The following PRKG1 variants were observed in gnomAD, a reference collection of about 807,000 sequenced individuals.
PRKG1 encodes the protein cGMP-dependent protein kinase 1.
A neutral mutation model predicts 88.1 loss-of-function variants in PRKG1; 35 were observed. That is an observed-to-expected ratio of 0.40 (90% CI 0.30 to 0.53). The LOEUF is 0.53. Among genes scored for constraint, PRKG1 ranks in the 20% least tolerant of loss-of-function variants. The pLI is 0.59. For missense variants in PRKG1, 540 were observed against 839.8 expected (o/e 0.64, Z 4.41); for synonymous variants, 303 against 292.5 (o/e 1.04, Z -0.37).
intron 8 of PRKG1, among the ~76,000 whole-genome samples, chr10:52,158,086 T>C (rs1838174957): frequency 6.6e-6 from 1 of 151,802 alleles, no homozygotes; most frequent in East Asian, 1.9e-4. Flanking sequence ...TGTCTTTAAT[T>C]TCTTCCGAAA....
chr10:51,939,011 G>A (rs903508626), intron 5 of PRKG1, among the ~76,000 whole-genome samples: 1 of 151,976 alleles, frequency 6.6e-6, no homozygotes, highest in African/African-American at 2.4e-5. Context: ...TAGTGTATGA[G>A]TATGTACACT....
chr10:51,073,895 A>G (rs1205956670), upstream of PRKG1, among the ~76,000 whole-genome samples: 1 of 152,116 alleles, frequency 6.6e-6, no homozygotes, highest in African/African-American at 2.4e-5. Flanking sequence ...CAGCTCGGCC[A>G]CACCGCTCGG....
intron 4 of PRKG1, among the ~76,000 whole-genome samples, chr10:51,834,706 GAA>G (rs140352569): frequency 0.15 from 18,641 of 123,764 alleles, 1,585 homozygotes; most frequent in African/African-American, 0.35. Flanking sequence ...GAGAGAGAGA[GAA>G]AGAGAAAGAG....
chr10:52,139,160 T>C (rs578106139), intron 8 of PRKG1, among the ~76,000 whole-genome samples: 3 of 152,294 alleles, frequency 2.0e-5, no homozygotes, highest in Non-Finnish European at 4.4e-5. Flanking sequence ...GAATGTCTGA[T>C]TCCTGTGTCA....
intron 10 of PRKG1, among the ~76,000 whole-genome samples, chr10:52,268,210 A>T (rs2132427098): frequency 6.6e-6 from 1 of 152,280 alleles, no homozygotes; most frequent in African/African-American, 2.4e-5. Context: ...GTTCCATGCA[A>T]AGTAAAGGCA....
chr10:51,072,271 C>T (rs1373744751), upstream of PRKG1, among the ~76,000 whole-genome samples: 2 of 152,054 alleles, frequency 1.3e-5, no homozygotes, highest in African/African-American at 4.8e-5. Flanking sequence ...TAGCAGTTGT[C>T]TAATTATGTC....
intron 2 of PRKG1, among the ~76,000 whole-genome samples, chr10:51,392,666 G>A (rs1837440981): frequency 6.6e-6 from 1 of 151,696 alleles, no homozygotes; most frequent in Non-Finnish European, 1.5e-5. Flanking sequence ...CAGACGGGGT[G>A]GTGGCTGGGC....
intron 2 of PRKG1, among the ~76,000 whole-genome samples, chr10:51,314,807 A>G (rs942111093): frequency 4.6e-5 from 7 of 152,174 alleles, no homozygotes; most frequent in Non-Finnish European, 8.8e-5. Context: ...TTTCATATGC[A>G]TTGTTACACT....
chr10:51,547,484 C>T (rs1447337436), intron 3 of PRKG1, among the ~76,000 whole-genome samples: 1 of 152,002 alleles, frequency 6.6e-6, no homozygotes, highest in Non-Finnish European at 1.5e-5. Flanking sequence ...AGAGGCTGTC[C>T]TTATGGAACA....
At chr10:51,014,983 G>A (rs1026382387) in intron 1 of PRKG1, among the ~76,000 whole-genome samples, 4 of 152,190 alleles carry the variant, frequency 2.6e-5, no homozygotes, top group Admixed American at 6.5e-5. Flanking sequence ...TAGAGCAGAA[G>A]TGTCTTTGAT....
At chr10:52,275,687 T>G (rs1255151098) in intron 12 of PRKG1, among the ~76,000 whole-genome samples, 2 of 152,134 alleles carry the variant, frequency 1.3e-5, no homozygotes, top group South Asian at 4.1e-4. Context: ...CCCATATGAA[T>G]TTTAGAATTT....
At chr10:51,165,631 G>A (rs1412919562) in intron 2 of PRKG1, among the ~76,000 whole-genome samples, 3 of 152,022 alleles carry the variant, frequency 2.0e-5, no homozygotes, top group African/African-American at 7.2e-5. Context: ...ACCCATCAGT[G>A]TGCTGTATTC....
At chr10:51,705,834 T>C (rs1200344315) in intron 3 of PRKG1, among the ~76,000 whole-genome samples, 2 of 152,202 alleles carry the variant, frequency 1.3e-5, no homozygotes, top group East Asian at 3.8e-4. Flanking sequence ...CATAAATCAT[T>C]GTTCTATTAA....
At chr10:52,089,021 C>T (rs73342932) in intron 7 of PRKG1, among the ~76,000 whole-genome samples, 6,182 of 152,136 alleles carry the variant, frequency 0.041, 435 homozygotes, top group African/African-American at 0.14. Context: ...ACAATGAACA[C>T]GTTATTTTTA....
intron 3 of PRKG1, among the ~76,000 whole-genome samples, chr10:51,558,710 T>A (rs1244972927): frequency 1.3e-5 from 2 of 152,092 alleles, no homozygotes; most frequent in Non-Finnish European, 2.9e-5. Context: ...CTTGTTCCTA[T>A]TCGAAGAGAC....
chr10:51,562,396 ACTT>A (rs1425585387), intron 3 of PRKG1, among the ~76,000 whole-genome samples: 1 of 152,144 alleles, frequency 6.6e-6, no homozygotes, highest in Non-Finnish European at 1.5e-5. Flanking sequence ...TTATCTTACT[ACTT>A]AGCAGAATTG....
chr10:51,251,895 G>A (rs559227211), intron 2 of PRKG1, among the ~76,000 whole-genome samples: 2 of 151,862 alleles, frequency 1.3e-5, no homozygotes, highest in African/African-American at 4.8e-5. Flanking sequence ...TTATGTATTG[G>A]CCATAAACAT....
intron 5 of PRKG1, among the ~76,000 whole-genome samples, chr10:52,009,432 T>G (rs7086280): frequency 0.45 from 67,695 of 151,756 alleles, 15,407 homozygotes; most frequent in East Asian, 0.65. Context: ...GACTGCTACA[T>G]AAAGAATAAA....
chr10:51,929,806 C>A (rs7903101), intron 5 of PRKG1, among the ~76,000 whole-genome samples: 92,133 of 151,982 alleles, frequency 0.61, 29,456 homozygotes, highest in African/African-American at 0.83. Flanking sequence ...GATTTTTTGA[C>A]TTTTGTTACC....
Sources: gnomAD v4.1 joint callset for allele counts (sites outside exome capture counted in the v4.1 genomes callset) on GRCh38, gnomAD v4.1.1 for gene constraint, MANE v1.5 for transcripts, NCBI Gene and HGNC (gene_info 2026-07-23, HGNC 2026-07-21) for gene names.